AFF3: variants seen among roughly 807,000 people sequenced by gnomAD.
AFF3 encodes the protein ALF transcription elongation factor 3.
In AFF3, 32 loss-of-function variants were observed where a neutral mutation model predicts 129.7. That is an observed-to-expected ratio of 0.25 (90% CI 0.19 to 0.33). The LOEUF (loss-of-function observed/expected upper bound fraction) is 0.33. AFF3 is among the 10% of genes least tolerant of loss of function. The pLI is 1.00. For synonymous variants in AFF3, 644 were observed against 635.4 expected, an observed-to-expected ratio of 1.01 and a Z score of -0.20; for missense variants, 1,373 against 1,592.0, an observed-to-expected ratio of 0.86 and a Z score of 2.34.
intron 13 of AFF3, among the ~76,000 whole-genome samples, chr2:99,607,205 G>C (rs1431059890): frequency 3.9e-5 from 6 of 152,134 alleles, no homozygotes; most frequent in East Asian, 1.9e-4. Context: ...TTTGGAATCT[G>C]GCCTTGGCTA....
At chr2:99,752,070 A>C (rs1259619336) in intron 9 of AFF3, 151 bp downstream of exon 9, 1 of 629,696 alleles carries the variant, frequency 1.6e-6, no homozygotes, top group East Asian at 2.8e-5. Context: ...TAAATGAATA[A>C]GTATGCGCTT....
intron 22 of AFF3, among the ~76,000 whole-genome samples, chr2:99,556,143 G>C (rs567389220): frequency 6.6e-6 from 1 of 152,176 alleles, no homozygotes; most frequent in Non-Finnish European, 1.5e-5. Flanking sequence ...AAACAGTCCA[G>C]TAAAGGCTAC....
rs138159764 is a variant in AFF3 at position 99,957,486 on chromosome 2, G to A, written c.873+49146C>T. Among the ~76,000 whole-genome samples, 767 of 152,162 alleles carry A rather than the reference G, an allele frequency of 5.0e-3. 5 individuals carry two copies. Among genetic ancestry groups the A allele is most frequent in the African/African-American group, 0.017 (725 of 41,508 alleles). ...AAGGGGGAGAAAACAGAACACAGAG[G>A]GAGTCATTGTATTTCTTTACAGAAT... On this transcript the variant is annotated intron_variant, in intron 7 of 24. Transcript: ENST00000672756.
intron 7 of AFF3, among the ~76,000 whole-genome samples, chr2:99,965,972 ATTT>A (rs1473583662): frequency 6.6e-6 from 1 of 152,164 alleles, no homozygotes; most frequent in African/African-American, 2.4e-5. Context: ...TATACATGAG[ATTT>A]TTATTTTGAC....
chr2:99,781,451 A>G (rs1684399340), intron 8 of AFF3, among the ~76,000 whole-genome samples: 1 of 152,214 alleles, frequency 6.6e-6, no homozygotes, highest in African/African-American at 2.4e-5. Context: ...GTTCATTGCT[A>G]TATCTTAGGG....
intron 13 of AFF3, among the ~76,000 whole-genome samples, chr2:99,617,386 T>C (rs555372549): frequency 1.3e-5 from 2 of 152,354 alleles, no homozygotes; most frequent in Admixed American, 1.3e-4. Flanking sequence ...TGGTTTTGAT[T>C]TGGATTTCCC....
intron 4 of AFF3, among the ~76,000 whole-genome samples, chr2:100,025,876 C>T (rs1212374033): frequency 6.6e-6 from 1 of 152,212 alleles, no homozygotes; most frequent in East Asian, 1.9e-4. Flanking sequence ...ATCCTCATCT[C>T]TCGCCTTATA....
chr2:99,628,738 T>TTTTTTTTTG (rs1682841620), intron 13 of AFF3, among the ~76,000 whole-genome samples: 4 of 148,230 alleles, frequency 2.7e-5, no homozygotes, highest in Admixed American at 6.7e-5. Flanking sequence ...TTTTTTTTTT[T>TTTTTTTTTG]GAGACAGAGT....
At chr2:99,697,287 G>C (rs1434042308) in intron 11 of AFF3, among the ~76,000 whole-genome samples, 3 of 152,212 alleles carry the variant, frequency 2.0e-5, no homozygotes, top group Non-Finnish European at 4.4e-5. Flanking sequence ...ACGGCAGGTG[G>C]GGCGAGATGG....
chr2:99,880,833 C>A (rs142859145), intron 7 of AFF3, among the ~76,000 whole-genome samples: 7 of 152,128 alleles, frequency 4.6e-5, no homozygotes, highest in African/African-American at 1.7e-4. Flanking sequence ...CTGTTTGGGA[C>A]GAGCAGTTGG....
At chr2:100,059,496 T>C (rs1277537614) in intron 4 of AFF3, among the ~76,000 whole-genome samples, 3 of 152,106 alleles carry the variant, frequency 2.0e-5, no homozygotes, top group African/African-American at 7.2e-5. Flanking sequence ...CATACACCAC[T>C]AGTGGGAGTT....
chr2:99,726,881 C>A (rs529301471), intron 11 of AFF3, among the ~76,000 whole-genome samples, 196 bp downstream of exon 11: 1 of 152,338 alleles, frequency 6.6e-6, no homozygotes, highest in African/African-American at 2.4e-5. Flanking sequence ...TTGCATTTTT[C>A]AAGATTCCTC....
chr2:99,746,689 A>C (rs1228117714), intron 9 of AFF3, among the ~76,000 whole-genome samples: 1 of 152,250 alleles, frequency 6.6e-6, no homozygotes, highest in Admixed American at 6.5e-5. Flanking sequence ...TTTTGGATAG[A>C]TGCTGTCACT....
At chr2:99,753,092 CTATTATTAT>C (rs560366939) in intron 8 of AFF3, among the ~76,000 whole-genome samples, 1 of 151,546 alleles carries the variant, frequency 6.6e-6, no homozygotes, top group Non-Finnish European at 1.5e-5. Flanking sequence ...GATGTGAACC[CTATTATTAT>C]TATTATTATT....
intron 8 of AFF3, among the ~76,000 whole-genome samples, chr2:99,777,340 A>G (rs555386764): frequency 2.0e-5 from 3 of 152,136 alleles, no homozygotes; most frequent in African/African-American, 7.2e-5. Flanking sequence ...GCTTGATCCT[A>G]CTTGACTCCA....
intron 4 of AFF3, among the ~76,000 whole-genome samples, chr2:100,092,676 A>G (rs1294465355): frequency 2.0e-5 from 3 of 152,014 alleles, no homozygotes; most frequent in East Asian, 3.9e-4. Flanking sequence ...ATTGTTCACA[A>G]CTTGCTAATT....
At chr2:99,844,387 G>GA (rs1689556927) in intron 7 of AFF3, among the ~76,000 whole-genome samples, 1 of 147,686 alleles carries the variant, frequency 6.8e-6, no homozygotes, top group Non-Finnish European at 1.5e-5. Context: ...TAACCAATGC[G>GA]TAATTTCTCC....
chr2:99,753,770 G>T (rs187434876), intron 8 of AFF3, among the ~76,000 whole-genome samples: 1 of 152,128 alleles, frequency 6.6e-6, no homozygotes, highest in African/African-American at 2.4e-5. Flanking sequence ...AGGCACATAC[G>T]CATTCTAGGT....
chr2:99,696,311 A>G (rs549251184), intron 11 of AFF3, among the ~76,000 whole-genome samples: 3 of 152,192 alleles, frequency 2.0e-5, no homozygotes, highest in Non-Finnish European at 4.4e-5. Context: ...TAGAGCATCA[A>G]GGCTCAGGTG....
Sources: allele counts gnomAD v4.1 joint callset (sites outside exome capture counted in the v4.1 genomes callset), GRCh38; gene constraint gnomAD v4.1.1; transcripts MANE v1.5; gene names NCBI Gene and HGNC (gene_info 2026-07-23, HGNC 2026-07-21).